The following PCDH15 variants were observed in gnomAD, a reference collection of about 807,000 sequenced individuals.
PCDH15 encodes protocadherin related 15.
PCDH15 carries 129 observed loss-of-function variants against 178.5 expected under a neutral mutation model. That is an observed-to-expected ratio of 0.72 (90% CI 0.63 to 0.84). The LOEUF (loss-of-function observed/expected upper bound fraction) is 0.84, where lower values mean the gene tolerates loss of function less well. Among genes scored for constraint, PCDH15 ranks in the 40% least tolerant of loss-of-function variants. PCDH15 has a pLI of 0.00. For missense variants in PCDH15, 2,230 were observed against 2,099.9 expected (o/e 1.06, Z -1.21); for synonymous variants, 800 against 732.0 (o/e 1.09, Z -1.50).
chr10:54,203,919 T>C (rs2050512696), intron 10 of PCDH15, among the ~76,000 whole-genome samples: 2 of 152,210 alleles, frequency 1.3e-5, no homozygotes, highest in Admixed American at 1.3e-4. Flanking sequence ...TTGTTTGCTT[T>C]GGTTAATTTT....
At chr10:54,656,481 T>C (rs560963594) in intron 2 of PCDH15, among the ~76,000 whole-genome samples, 9 of 152,256 alleles carry the variant, frequency 5.9e-5, no homozygotes, top group African/African-American at 2.2e-4. Flanking sequence ...CAGAAATCCA[T>C]GTTGTTAACT....
chr10:55,457,387 G>T (rs942979094), intron 2 of PCDH15, among the ~76,000 whole-genome samples: 3 of 151,420 alleles, frequency 2.0e-5, no homozygotes, highest in Non-Finnish European at 4.4e-5. Context: ...GATTTTTTGT[G>T]TACCAGATCA....
Position 55,024,162 on chromosome 10 carries a change from G to A in PCDH15, c.-79-126662C>T, listed in dbSNP as rs1049046790. 3.4e-5 allele frequency among the ~76,000 whole-genome samples: 5 copies of A among 145,784 alleles called. No individual in the cohort carries two copies. In the South Asian group the frequency reaches 8.6e-4, roughly 25 times the overall value. On this transcript the variant is annotated intron_variant, in intron 2 of 5. Coordinates refer to the PCDH15 transcript ENST00000458638. ...ATAGGAAGGAATATATATAGAGAGA[G>A]GAAGGAATATATATAGAGAGAGGAA...
At chr10:54,313,623 T>C (rs2061043316) in intron 8 of PCDH15, among the ~76,000 whole-genome samples, 1 of 152,092 alleles carries the variant, frequency 6.6e-6, no homozygotes, top group Non-Finnish European at 1.5e-5. Flanking sequence ...CTTCCTAAAT[T>C]GTATCTATAT....
intron 21 of PCDH15, among the ~76,000 whole-genome samples, chr10:53,970,306 C>T (rs1276042992): frequency 6.6e-6 from 1 of 152,086 alleles, no homozygotes; most frequent in Non-Finnish European, 1.5e-5. Flanking sequence ...ACAAGAAGAG[C>T]TAACTATCCT....
In PCDH15 at chr10:54,977,721, T is replaced by C. The variant is rs113019605; in HGVS notation, c.-79-80221A>G. Among the ~76,000 whole-genome samples the C allele has an allele frequency of 1.0e-2, 1,517 of 152,314 alleles. 25 individuals are homozygous for C. The highest frequency in any genetic ancestry group is 0.034 in the African/African-American group (1,418 of 41,566). On this transcript the variant is annotated intron_variant, in intron 2 of 5. Transcript: ENST00000458638. ...CTCGCTTTCACGTTACTCTGTGGAC[T>C]TCCCTGAATTCTTTCTTGTGCAAGA...
At chr10:55,045,501 G>A (rs1229510855) in intron 2 of PCDH15, among the ~76,000 whole-genome samples, 2 of 152,002 alleles carry the variant, frequency 1.3e-5, no homozygotes, top group Non-Finnish European at 2.9e-5. Context: ...AGATCTTTGT[G>A]GGTACACAAT....
At chr10:54,266,606 T>C (rs549078420) in intron 8 of PCDH15, among the ~76,000 whole-genome samples, 3 of 151,780 alleles carry the variant, frequency 2.0e-5, no homozygotes, top group Middle Eastern at 3.4e-3. Context: ...CAATCAGCAA[T>C]AACAAAGGCA....
chr10:53,841,947 GA>G (rs539058922), intron 28 of PCDH15, among the ~76,000 whole-genome samples: 3,187 of 100,858 alleles, frequency 0.032, 51 homozygotes, highest in African/African-American at 0.071. Context: ...TCTCCAAAGG[GA>G]AAAAAAAAAA....
chr10:54,083,663 G>A (rs2094470280), intron 16 of PCDH15, among the ~76,000 whole-genome samples: 1 of 152,156 alleles, frequency 6.6e-6, no homozygotes, highest in Non-Finnish European at 1.5e-5. Flanking sequence ...ATGGGTTCAG[G>A]TTTCTATTTG....
intron 8 of PCDH15, among the ~76,000 whole-genome samples, chr10:54,263,905 C>T (rs532778294): frequency 6.8e-4 from 103 of 152,204 alleles, no homozygotes; most frequent in African/African-American, 2.1e-3. Flanking sequence ...TAATCAGCTG[C>T]CAGCACAGCT....
chr10:55,568,334 C>T (rs1024792994), intron 2 of PCDH15, among the ~76,000 whole-genome samples: 2 of 151,838 alleles, frequency 1.3e-5, no homozygotes, highest in Non-Finnish European at 2.9e-5. Flanking sequence ...TATTATTCGA[C>T]TTATATGAGG....
intron 10 of PCDH15, among the ~76,000 whole-genome samples, chr10:54,204,029 T>C (rs532656019): frequency 8.5e-5 from 13 of 152,220 alleles, no homozygotes; most frequent in Admixed American, 2.6e-4. Flanking sequence ...ATATGTTTAC[T>C]TAAGCTTTCA....
chr10:54,245,318 T>A (rs1048822370), intron 8 of PCDH15, among the ~76,000 whole-genome samples: 1 of 152,188 alleles, frequency 6.6e-6, no homozygotes, highest in Non-Finnish European at 1.5e-5. Flanking sequence ...AGTGGTTTTA[T>A]CATTTTATAT....
intron 17 of PCDH15, among the ~76,000 whole-genome samples, chr10:54,077,810 C>T (rs1284002729): frequency 6.6e-6 from 1 of 152,158 alleles, no homozygotes; most frequent in African/African-American, 2.4e-5. Context: ...CGCCTGTAAC[C>T]CCAGCACTTT....
intron 7 of PCDH15, 26 bp downstream of exon 7, chr10:54,329,570 A>G (rs1320830613): frequency 1.1e-5 from 16 of 1,492,430 alleles, no homozygotes; most frequent in Non-Finnish European, 1.4e-5. Context: ...TTCACAGAAG[A>G]AATTTAAAAG....
At chr10:53,837,425 T>C (rs1221386350) in intron 29 of PCDH15, among the ~76,000 whole-genome samples, 1 of 152,150 alleles carries the variant, frequency 6.6e-6, no homozygotes. Context: ...GTTATTAACA[T>C]ATCACTAAAA....
intron 1 of PCDH15, among the ~76,000 whole-genome samples, chr10:54,713,869 C>G (rs1295778861): frequency 1.3e-5 from 2 of 152,124 alleles, no homozygotes; most frequent in African/African-American, 4.8e-5. Context: ...TCCATTTTGA[C>G]TTTTCCCTTG....
chr10:54,643,009 G>A (rs111281033), intron 2 of PCDH15, among the ~76,000 whole-genome samples: 354 of 152,166 alleles, frequency 2.3e-3, no homozygotes, highest in African/African-American at 8.0e-3. Context: ...TGAAACCTCC[G>A]CCTCCTGGGC....
Sources: gnomAD v4.1 joint callset for allele counts (sites outside exome capture counted in the v4.1 genomes callset) on GRCh38, gnomAD v4.1.1 for gene constraint, MANE v1.5 for transcripts, NCBI Gene and HGNC (gene_info 2026-07-23, HGNC 2026-07-21) for gene names.